Variants in UTS2B observed in about 807,000 individuals in gnomAD.
The protein encoded by UTS2B is urotensin-2B.
A neutral mutation model predicts 19.2 loss-of-function variants in UTS2B; 21 were observed. The observed-to-expected ratio is 1.09, with a 90% confidence interval of 0.78 to 1.58. The LOEUF (loss-of-function observed/expected upper bound fraction) is 1.58, where lower values mean the gene tolerates loss of function less well. Among genes scored for constraint, UTS2B ranks in the 40% most tolerant of loss-of-function variants. The pLI is 0.00. For missense variants in UTS2B, 138 were observed against 130.3 expected, an observed-to-expected ratio of 1.06 and a Z score of -0.29; for synonymous variants, 57 against 50.2, an observed-to-expected ratio of 1.14 and a Z score of -0.58.
chr3:191,277,507 A>C (rs921862087), intron 6 of UTS2B: 49 of 152,102 alleles, frequency 3.2e-4, no homozygotes, highest in African/African-American at 1.1e-3. Flanking sequence ...TTTCTGACAA[A>C]ATCTCAGTCA....
chr3:191,297,264 C>G (rs1193799137), intron 4 of UTS2B, among the ~76,000 whole-genome samples: 2 of 152,140 alleles, frequency 1.3e-5, no homozygotes, highest in East Asian at 1.9e-4. Context: ...TTTCTTGAGT[C>G]TCATCTGCTC....
intron 3 of UTS2B, among the ~76,000 whole-genome samples, chr3:191,311,425 C>T (rs1049629619): frequency 2.0e-5 from 3 of 152,234 alleles, no homozygotes; most frequent in African/African-American, 7.2e-5. Flanking sequence ...AGATTGATAT[C>T]TCTTTCTCTC....
At chr3:191,295,580 TAC>T (rs1716837031) in intron 4 of UTS2B, among the ~76,000 whole-genome samples, 1 of 152,016 alleles carries the variant, frequency 6.6e-6, no homozygotes, top group South Asian at 2.1e-4. Context: ...CCAAAAGTTA[TAC>T]CTCTCTCCCC....
upstream of UTS2B, among the ~76,000 whole-genome samples, chr3:191,331,451 C>T (rs1717981083): frequency 1.3e-5 from 2 of 152,204 alleles, no homozygotes; most frequent in African/African-American, 4.8e-5. Flanking sequence ...CATTTCCACA[C>T]TCTAGAGTCT....
chr3:191,305,604 A>T (rs1477765756), intron 3 of UTS2B, among the ~76,000 whole-genome samples: 1 of 152,058 alleles, frequency 6.6e-6, no homozygotes, highest in Non-Finnish European at 1.5e-5. Flanking sequence ...TTCTCCCATT[A>T]TGTAGGTTAT....
At position 191,298,502 on chromosome 3, in the gene UTS2B, G is replaced by A. The variant is rs140119435; in HGVS notation, c.-125+5990C>T. ...GTGCTTGCTTTCCCTTTGCCTTCAG[G>A]AATGATTGTGTTTCCTGAGGCCTCC... On this transcript the variant is annotated intron_variant, in intron 4 of 8. Coordinates refer to ENST00000340524, the MANE Select transcript of UTS2B (RefSeq NM_198152.5). Among the ~76,000 whole-genome samples the A allele has an allele frequency of 3.6e-4, 55 of 152,232 alleles. No individual in the cohort carries two copies. In the East Asian group the frequency reaches 9.8e-3, roughly 27 times the overall value.
At chr3:191,335,775 T>C in the UTS2B span, among the ~76,000 whole-genome samples, 1 of 152,222 alleles carries the variant, frequency 6.6e-6, no homozygotes, top group Non-Finnish European at 1.5e-5. Context: ...TTTTTCTTTG[T>C]CGTTTTAGTC....
At chr3:191,334,125 A>C (rs547017941), upstream of UTS2B, among the ~76,000 whole-genome samples, 54 of 152,234 alleles carry the variant, frequency 3.5e-4, no homozygotes, top group Non-Finnish European at 6.6e-4. Context: ...GGAATCTTAG[A>C]TAATTTGCAT....
At chr3:191,280,850 A>G (rs79444810) in intron 5 of UTS2B, among the ~76,000 whole-genome samples, 4,628 of 152,262 alleles carry the variant, frequency 0.03, 160 homozygotes, top group East Asian at 0.14. Flanking sequence ...GGAAATCTCA[A>G]TATTTCATAG....
At position 191,273,494 on chromosome 3, in the gene UTS2B, T is replaced by C. The variant is rs763503127; in HGVS notation, c.334+1758A>G. On this transcript the variant is annotated intron_variant, in intron 8 of 8. Coordinates refer to ENST00000340524, the MANE Select transcript of UTS2B (RefSeq NM_198152.5). ...ACTGAGGCAATTGAAAGCTGGGATGTATCCTTTATCCTCTTCTGTTTTGGC... is the reference window on the plus strand; with the variant it reads ...ACTGAGGCAATTGAAAGCTGGGATGCATCCTTTATCCTCTTCTGTTTTGGC... The C allele has an allele frequency of 2.8e-5, 13 of 456,620 alleles. 1 individual carries two copies. Among genetic ancestry groups the C allele is most frequent in the South Asian group, 1.7e-4 (11 of 64,578 alleles). The allele number at this position is 456,620 out of a possible 1,614,324, so 28.3% of individuals were successfully genotyped here.
chr3:191,317,655 T>C (rs1396622929), intron 2 of UTS2B, among the ~76,000 whole-genome samples: 1 of 152,230 alleles, frequency 6.6e-6, no homozygotes, highest in Non-Finnish European at 1.5e-5. Context: ...CTTGGCTCAC[T>C]GCAACCTCTG....
chr3:191,317,282 G>C lies in UTS2B; in HGVS notation c.-585-843C>G, dbSNP rs574349954. 2.0e-5 allele frequency among the ~76,000 whole-genome samples: 3 copies of C among 152,338 alleles called. No individual in the cohort carries two copies. In the East Asian group the frequency reaches 5.8e-4, roughly 29 times the overall value. On this transcript the variant is annotated intron_variant, in intron 2 of 8. Transcript: ENST00000340524. Reference sequence around the variant, plus strand: ...TGCCTGGGGCCGGGGGCACCAGCCAGCTTCTCTGAGTGCGGGGGGGCCTCC... The same window carrying C: ...TGCCTGGGGCCGGGGGCACCAGCCACCTTCTCTGAGTGCGGGGGGGCCTCC...
intron 4 of UTS2B, among the ~76,000 whole-genome samples, chr3:191,283,424 T>C (rs926021012): frequency 6.6e-6 from 1 of 152,214 alleles, no homozygotes; most frequent in African/African-American, 2.4e-5. Flanking sequence ...ATCTTTTTTC[T>C]ACTTTGAGTC....
intron 2 of UTS2B, among the ~76,000 whole-genome samples, chr3:191,317,931 C>T (rs1717511409): frequency 6.6e-6 from 1 of 152,052 alleles, no homozygotes; most frequent in Admixed American, 6.6e-5. Context: ...TCCTTAAGAG[C>T]ATGAAAACAG....
intron 2 of UTS2B, among the ~76,000 whole-genome samples, chr3:191,320,589 G>T (rs73888551): frequency 0.017 from 2,568 of 152,248 alleles, 60 homozygotes; most frequent in African/African-American, 0.059. Flanking sequence ...AAGAAACTGC[G>T]AAGGAGGCTA....
chr3:191,333,110 G>C (rs945791130), upstream of UTS2B, among the ~76,000 whole-genome samples: 1 of 152,146 alleles, frequency 6.6e-6, no homozygotes, highest in Non-Finnish European at 1.5e-5. Context: ...TGAATTCTGT[G>C]TGTGTTGGTG....
chr3:191,315,013 ATT>A (rs796258238), intron 3 of UTS2B, among the ~76,000 whole-genome samples: 3 of 143,524 alleles, frequency 2.1e-5, no homozygotes, highest in Non-Finnish European at 1.5e-5. Flanking sequence ...CCACCCTAGA[ATT>A]TTTTTTTTTT....
intron 3 of UTS2B, among the ~76,000 whole-genome samples, chr3:191,315,101 C>G (rs1410230215): frequency 6.6e-6 from 1 of 151,856 alleles, no homozygotes; most frequent in East Asian, 1.9e-4. Context: ...AACCTCTGCC[C>G]CACTGGGTTC....
the UTS2B span, among the ~76,000 whole-genome samples, chr3:191,344,211 A>C: frequency 1.3e-5 from 2 of 152,204 alleles, no homozygotes; most frequent in Non-Finnish European, 2.9e-5. Context: ...TGAGGTCTCT[A>C]ATTCAGGTTC....
Sources: allele counts gnomAD v4.1 joint callset (sites outside exome capture counted in the v4.1 genomes callset), GRCh38; gene constraint gnomAD v4.1.1; transcripts MANE v1.5; gene names NCBI Gene and HGNC (gene_info 2026-07-23, HGNC 2026-07-21).